The following LARP4 variants were observed in gnomAD, a reference collection of about 807,000 sequenced individuals.
The protein encoded by LARP4 is La ribonucleoprotein 4, also known as la-related protein 4.
In LARP4, 29 loss-of-function variants were observed where a neutral mutation model predicts 92.9. That is an observed-to-expected ratio of 0.31 (90% CI 0.23 to 0.43). LARP4 has a LOEUF of 0.43. Ranked by LOEUF, LARP4 falls within the 20% of genes least tolerant of loss-of-function variation. The pLI is 1.00. For missense variants in LARP4, 732 were observed against 860.0 expected (o/e 0.85, Z 1.86); for synonymous variants, 279 against 284.1 (o/e 0.98, Z 0.18).
chr12:50,473,079 G>A (rs934721246), intron 13 of LARP4, among the ~76,000 whole-genome samples: 3 of 151,988 alleles, frequency 2.0e-5, no homozygotes, highest in Non-Finnish European at 4.4e-5. Flanking sequence ...CTCAGCCTCC[G>A]AAAGTGCTGG....
intron 1 of LARP4, among the ~76,000 whole-genome samples, chr12:50,402,175 G>A (rs1170284254): frequency 1.3e-5 from 2 of 151,298 alleles, no homozygotes; most frequent in African/African-American, 4.8e-5. Context: ...CCAGCATAAA[G>A]TAAATAAATG....
At position 50,475,728 on chromosome 12, in the gene LARP4, G is replaced by A. The variant is rs553516648; in HGVS notation, c.2039G>A (p.Arg680Gln). ...GCTAGTAAGGATTATTCTGGCTTCC[G>A]AGGCAATATAATCCCCAGGGGAGCA... ...ARASKDYSGF[R>Q]GNIIPRGAAG... Residue 680 changes from arginine to glutamine, a missense_variant, in exon 16 of 16, where the codon CGA becomes CAA. By Grantham distance (43) the Arg-to-Gln change is conservative (BLOSUM62 1). This residue lies in a region of LARP4 where 115 missense variants were observed against 129.1 expected (regional missense o/e 0.89). Transcript: ENST00000398473. 9 of 1,614,048 alleles carry A rather than the reference G, an allele frequency of 5.6e-6. No homozygotes were observed. The highest frequency in any genetic ancestry group is 6.8e-6 in the Non-Finnish European group (8 of 1,180,030).
chr12:50,466,542 A>T (rs1375484551), intron 12 of LARP4, among the ~76,000 whole-genome samples: 1 of 152,172 alleles, frequency 6.6e-6, no homozygotes, highest in Non-Finnish European at 1.5e-5. Flanking sequence ...TGAGTCCAGG[A>T]AGTCAAGGTT....
intron 1 of LARP4, among the ~76,000 whole-genome samples, chr12:50,409,856 T>C (rs1945531382): frequency 6.6e-6 from 1 of 151,952 alleles, no homozygotes; most frequent in Admixed American, 6.6e-5. Flanking sequence ...TGGAGCGATC[T>C]TGACTCATTG....
chr12:50,468,514 G>A (rs926512889), intron 13 of LARP4, among the ~76,000 whole-genome samples: 2 of 151,048 alleles, frequency 1.3e-5, no homozygotes, highest in African/African-American at 4.9e-5. Flanking sequence ...AGCCAGGATG[G>A]TCTCGATCTC....
At chr12:50,473,645 C>T in intron 14 of LARP4, 109 bp downstream of exon 14, 1 of 1,140,632 alleles carries the variant, frequency 8.8e-7, no homozygotes, top group South Asian at 1.5e-5. Context: ...GCAGGTGAAT[C>T]ACCTGAGGTC....
intron 8 of LARP4, among the ~76,000 whole-genome samples, chr12:50,449,611 A>G (rs1469843713): frequency 6.6e-6 from 1 of 152,170 alleles, no homozygotes; most frequent in Non-Finnish European, 1.5e-5. Context: ...AGGATACAAA[A>G]GCTAGCTGCT....
intron 1 of LARP4, chr12:50,402,659 T>A (rs990034588): frequency 3.1e-5 from 12 of 384,450 alleles, no homozygotes; most frequent in Non-Finnish European, 4.6e-5. Context: ...AAAGCGATAC[T>A]TAATATGTTT....
intron 2 of LARP4, 139 bp from the exon 3 acceptor site, chr12:50,428,794 ACT>A: frequency 1.7e-6 from 1 of 602,160 alleles, no homozygotes; most frequent in Non-Finnish European, 2.8e-6. Context: ...CGGAATGATA[ACT>A]CTTGCTTAAA....
At chr12:50,401,349 G>T (rs898796918) in intron 1 of LARP4, 1 of 338,270 alleles carries the variant, frequency 3.0e-6, no homozygotes, top group East Asian at 6.2e-5. Flanking sequence ...TGGGGGGTTG[G>T]GGGGCGGAGT....
At chr12:50,447,240 A>G (rs1952356388) in intron 8 of LARP4, among the ~76,000 whole-genome samples, 1 of 152,216 alleles carries the variant, frequency 6.6e-6, no homozygotes, top group Non-Finnish European at 1.5e-5. Flanking sequence ...TACAATGCAA[A>G]TATTCCTAAA....
At chr12:50,433,913 T>C (rs1431352688) in intron 4 of LARP4, among the ~76,000 whole-genome samples, 2 of 152,196 alleles carry the variant, frequency 1.3e-5, no homozygotes, top group Non-Finnish European at 2.9e-5. Context: ...GTGCTGGGTT[T>C]ACAGGTGTGA....
At chr12:50,459,458 T>G (rs1032962990) in intron 10 of LARP4, among the ~76,000 whole-genome samples, 8 of 152,194 alleles carry the variant, frequency 5.3e-5, no homozygotes, top group Non-Finnish European at 1.0e-4. Flanking sequence ...TATCTGTGCT[T>G]TATACATAAA....
intron 1 of LARP4, among the ~76,000 whole-genome samples, chr12:50,420,372 A>G (rs1487956959): frequency 1.3e-5 from 2 of 152,220 alleles, no homozygotes; most frequent in Non-Finnish European, 2.9e-5. Flanking sequence ...ATGACAAGGT[A>G]GCATATATTT....
intron 1 of LARP4, among the ~76,000 whole-genome samples, chr12:50,402,518 T>C (rs1474566299): frequency 6.6e-6 from 1 of 152,142 alleles, no homozygotes; most frequent in African/African-American, 2.4e-5. Flanking sequence ...AGAAGAAAGA[T>C]TGTGAAGTTT....
intron 8 of LARP4, among the ~76,000 whole-genome samples, chr12:50,445,458 T>C (rs1951863808): frequency 6.6e-6 from 1 of 152,178 alleles, no homozygotes; most frequent in African/African-American, 2.4e-5. Context: ...ACTAAACTTC[T>C]TGGCTCTGTA....
At chr12:50,417,484 T>C (rs948993002) in intron 1 of LARP4, among the ~76,000 whole-genome samples, 1 of 152,184 alleles carries the variant, frequency 6.6e-6, no homozygotes, top group Non-Finnish European at 1.5e-5. Context: ...CTCCCTGAGC[T>C]AATTACGATA....
chr12:50,464,008 G>A (rs951007080), intron 12 of LARP4, among the ~76,000 whole-genome samples: 13 of 152,070 alleles, frequency 8.5e-5, no homozygotes, highest in Non-Finnish European at 1.2e-4. Flanking sequence ...TAGGAAGTTC[G>A]TCATCTCTAT....
intron 10 of LARP4, among the ~76,000 whole-genome samples, chr12:50,457,468 G>C (rs1383161598): frequency 6.6e-6 from 1 of 152,018 alleles, no homozygotes; most frequent in Non-Finnish European, 1.5e-5. Flanking sequence ...TGGCCTCCCA[G>C]AGTGCTGGCA....
Sources: gnomAD v4.1 joint callset for allele counts (sites outside exome capture counted in the v4.1 genomes callset) on GRCh38, gnomAD v4.1.1 for gene constraint, gnomAD v4.1.1 regional missense constraint, MANE v1.5 for transcripts, NCBI Gene and HGNC (gene_info 2026-07-23, HGNC 2026-07-21) for gene names.